Variants in ADPRHL1 observed in about 807,000 individuals in gnomAD.
The protein encoded by ADPRHL1 is ADP-ribosylhydrolase like 1, also known as inactive ADP-ribosyltransferase ARH2.
A neutral mutation model predicts 44.1 loss-of-function variants in ADPRHL1; 43 were observed. The ratio of observed to expected loss-of-function variants is 0.98; its 90% CI spans 0.76 to 1.26. The LOEUF is 1.26. Among genes scored for constraint, ADPRHL1 ranks in the 50% most tolerant of loss-of-function variants. The pLI is 0.00. For missense variants in ADPRHL1, 2,022 were observed against 2,496.9 expected, an observed-to-expected ratio of 0.81 and a Z score of 4.05; for synonymous variants, 878 against 1,017.4, an observed-to-expected ratio of 0.86 and a Z score of 2.61.
Position 113,403,704 on chromosome 13 carries a change from C to T in ADPRHL1, c.5578G>A (p.Gly1860Arg), listed in dbSNP as rs947560946. 9.0e-5 allele frequency: 111 copies of T among 1,231,974 alleles called. No individual in the cohort carries two copies. Among genetic ancestry groups the T allele is most frequent in the Non-Finnish European group, 1.0e-4 (103 of 988,198 alleles). 76.3% of individuals were successfully genotyped at this position (1,231,974 alleles called of 1,614,324 possible). Residue 1860 changes from glycine (G) to arginine (R), a missense_variant, in exon 8 of 8, where the codon GGG becomes AGG. Gly to Arg is a moderately radical substitution (Grantham distance 125, BLOSUM62 -2). Coordinates refer to ENST00000612156, the MANE Select transcript of ADPRHL1 (RefSeq NM_001394807.1). ...GGGCGGCTTCCTGGGGGTGGGTACC[C>T]GGCGCTGGGCTCCCCCAGGCCACTG... The part of the protein sequence containing the change: ...GGSGLGEPSA[G>R]YPPPGSRPLR...
chr13:113,409,614 G>A lies in ADPRHL1; in HGVS notation c.1062-1394C>T, dbSNP rs569689544. 129 of 985,364 alleles carry A rather than the reference G, an allele frequency of 1.3e-4. No homozygotes were observed. The highest frequency in any genetic ancestry group is 9.9e-4 in the South Asian group (21 of 21,292). 61.0% of individuals were successfully genotyped at this position (985,364 alleles called of 1,614,324 possible). A position where few individuals can be genotyped will look rare whatever the true frequency, so the allele number is the denominator to read the frequency against. ...TTTTAAGAAGCTGAGGCCGGGCGCC[G>A]TGGCTCACGCCTGTAATCTCAGCGT... On this transcript the variant is annotated intron_variant, in intron 7 of 7. Coordinates refer to ENST00000612156, the MANE Select transcript of ADPRHL1 (RefSeq NM_001394807.1). This position sits in a 1 kb window ranked among gnomAD's most constrained non-coding sequence, Gnocchi z 4.2.
chr13:113,449,863 G>A (rs1040946454), intron 1 of ADPRHL1, among the ~76,000 whole-genome samples: 19 of 152,196 alleles, frequency 1.2e-4, no homozygotes, highest in African/African-American at 4.6e-4. Context: ...GGATGCTTAC[G>A]AGCACAGGGG....
At chr13:113,413,431 G>GA (rs1315212840) in intron 7 of ADPRHL1, among the ~76,000 whole-genome samples, 1 of 152,242 alleles carries the variant, frequency 6.6e-6, no homozygotes, top group Non-Finnish European at 1.5e-5. Flanking sequence ...CCACAAAGGG[G>GA]AACAGCGTGG....
At position 113,433,796 on chromosome 13, in the gene ADPRHL1, T is replaced by G. The variant is rs763842379; in HGVS notation, c.451A>C (p.Thr151Pro). The G allele has an allele frequency of 6.3e-7, 1 of 1,589,876 alleles. No individual in the cohort carries two copies. Among genetic ancestry groups the G allele is most frequent in the South Asian group, 1.1e-5 (1 of 87,424 alleles). Reference protein sequence around the residue: ...LRYWKPERLETLIEVSVECGR... With the variant: ...LRYWKPERLEPLIEVSVECGR... ...CACTCCACGCTGACCTCGATGAGGG[T>G]CTCCAGCCGCTCAGGCTTCCAGTAC... Residue 151 changes from threonine (T) to proline (P), a missense_variant, in exon 3 of 8, where the codon ACC becomes CCC. By Grantham distance (38) the Thr-to-Pro change is conservative. Transcript: ENST00000612156.
intron 5 of ADPRHL1, 151 bp from the exon 6 acceptor site, chr13:113,424,500 GT>G (rs951438717): frequency 7.5e-5 from 82 of 1,098,304 alleles, no homozygotes; most frequent in Admixed American, 4.2e-4. Flanking sequence ...TGTCCCCCAG[GT>G]TGGAGTGCAA....
At chr13:113,415,233 G>A (rs927701343) in intron 7 of ADPRHL1, among the ~76,000 whole-genome samples, 3 of 152,176 alleles carry the variant, frequency 2.0e-5, no homozygotes, top group Admixed American at 6.5e-5. Flanking sequence ...CTGGAGACGC[G>A]GACCTGCCCG....
In ADPRHL1 at chr13:113,409,763, C is replaced by T. The variant is rs890857073; in HGVS notation, c.1062-1543G>A. The T allele has an allele frequency of 3.2e-6, 2 of 620,668 alleles. No homozygotes were observed. The highest frequency in any genetic ancestry group is 4.0e-5 in the African/African-American group (2 of 50,040). 38.4% of individuals were successfully genotyped at this position (620,668 alleles called of 1,614,324 possible). A position where few individuals can be genotyped will look rare whatever the true frequency, so the allele number is the denominator to read the frequency against. ...AATCAGCCGGGCGTGGTGGCGGGCG[C>T]CTGTAGTCCCAGCTACTTGGGAGGC... On this transcript the variant is annotated intron_variant, in intron 7 of 7. Transcript: ENST00000612156. The surrounding 1 kb of genome is among the most constrained non-coding windows in gnomAD (Gnocchi z 4.2).
intron 7 of ADPRHL1, chr13:113,410,005 T>C: frequency 1.0e-6 from 1 of 985,364 alleles, no homozygotes; most frequent in Non-Finnish European, 1.2e-6. Flanking sequence ...GAGAGAGCTC[T>C]GTTTTGAAGC....
chr13:113,426,481 A>C (rs890881695), intron 4 of ADPRHL1, among the ~76,000 whole-genome samples: 1 of 152,226 alleles, frequency 6.6e-6, no homozygotes, highest in African/African-American at 2.4e-5. Context: ...TGGAGAGCAG[A>C]GCTGGAGGGC....
rs71446966 is a variant in ADPRHL1 at position 113,434,771 on chromosome 13, G to C, written c.380-904C>G. Among the ~76,000 whole-genome samples the C allele has an allele frequency of 8.3e-3, 496 of 59,946 alleles. 27 individuals carry two copies. The highest frequency in any genetic ancestry group is 0.013 in the African/African-American group (190 of 15,044). The allele number at this position is 59,946 out of a possible 152,430, so 39.3% of individuals were successfully genotyped here. On this transcript the variant is annotated intron_variant, in intron 2 of 7. Transcript: ENST00000612156. ...GGTGTACCCTGGGACCCAGCACCCA[G>C]GCGTAGAGTGAACATAGGTGTACCC...
chr13:113,442,162 A>C (rs2044104035), intron 2 of ADPRHL1, among the ~76,000 whole-genome samples: 1 of 152,238 alleles, frequency 6.6e-6, no homozygotes. Context: ...TTCAGGGTGT[A>C]GAATTCTAAC....
rs529399235 is a variant in ADPRHL1, at chr13:113,404,461, C to G, written c.4821G>C (p.Trp1607Cys). ...QKQVQGEVQKWAQEEAQGQAQ... is the reference protein window; with the variant it reads ...QKQVQGEVQKCAQEEAQGQAQ... The stretch of plus-strand genomic sequence containing the variant: ...CCTGTCCCTGAGCCTCTTCCTGGGC[C>G]CATTTCTGAACCTCTCCTTGAACCT... The change falls in exon 8 of 8, where the codon TGG (tryptophan) becomes TGC (cysteine). Residue 1607 changes from tryptophan (W) to cysteine (C), a missense_variant. Coordinates refer to ENST00000612156, the MANE Select transcript of ADPRHL1 (RefSeq NM_001394807.1). 1 of 1,308,400 alleles carries G rather than the reference C, an allele frequency of 7.6e-7. No homozygotes were observed. The highest frequency in any genetic ancestry group is 9.7e-7 in the Non-Finnish European group (1 of 1,035,912). The allele number at this position is 1,308,400 out of a possible 1,614,324, so 81.0% of individuals were successfully genotyped here.
chr13:113,433,036 G>C (rs555110987), intron 3 of ADPRHL1, among the ~76,000 whole-genome samples: 1 of 152,214 alleles, frequency 6.6e-6, no homozygotes, highest in African/African-American at 2.4e-5. Flanking sequence ...AAATCCCAGT[G>C]AGCAGCTGGC....
chr13:113,452,295 T>A (rs1179045315), intron 1 of ADPRHL1, among the ~76,000 whole-genome samples: 1 of 152,196 alleles, frequency 6.6e-6, no homozygotes, highest in African/African-American at 2.4e-5. Flanking sequence ...CCTTATCTTA[T>A]CGCCGGCGCT....
Position 113,409,522 on chromosome 13 carries a change from AAG to A in ADPRHL1, c.1062-1304_1062-1303del. On this transcript the variant is annotated intron_variant, in intron 7 of 7. Transcript: ENST00000612156. The surrounding 1 kb of genome is among the most constrained non-coding windows in gnomAD (Gnocchi z 4.2). ...AATGGCACGTCCACATTTGTGGGAG[AAG>A]AGTCGGTGGCCGGATGCGGCTGGTG... The A allele has an allele frequency of 2.0e-6, 2 of 985,356 alleles. No homozygotes were observed. Among genetic ancestry groups the A allele is most frequent in the Non-Finnish European group, 1.2e-6 (1 of 829,914 alleles). The allele number at this position is 985,356 out of a possible 1,614,324, so 61.0% of individuals were successfully genotyped here. A position where few individuals can be genotyped will look rare whatever the true frequency, so the allele number is the denominator to read the frequency against.
intron 1 of ADPRHL1, among the ~76,000 whole-genome samples, chr13:113,450,802 T>G (rs1030529494): frequency 6.6e-6 from 1 of 152,164 alleles, no homozygotes; most frequent in East Asian, 1.9e-4. Flanking sequence ...GGATGGAACA[T>G]GAAGGCAGAC....
intron 3 of ADPRHL1, among the ~76,000 whole-genome samples, chr13:113,433,517 A>G (rs970117234): frequency 6.6e-6 from 1 of 152,240 alleles, no homozygotes; most frequent in African/African-American, 2.4e-5. Flanking sequence ...AAATAAAAAA[A>G]TCGATGTGAA....
Position 113,404,761 on chromosome 13 carries a change from CTGTTCTTGAGCG to C in ADPRHL1, c.4509_4520del (p.His1503_Glu1506del). 1 of 1,274,504 alleles carries C rather than the reference CTGTTCTTGAGCG, an allele frequency of 7.8e-7. No individual in the cohort carries two copies. The highest frequency in any genetic ancestry group is 3.0e-5 in the South Asian group (1 of 33,052). 78.9% of individuals were successfully genotyped at this position (1,274,504 alleles called of 1,614,324 possible). ...CCTCTATCTGGGTCTGCCACTGGGC[CTGTTCTTGAGCG>C]TGTCCCTGAACCTGTCCCCGGTCCC... On this transcript the variant is annotated inframe_deletion, in exon 8 of 8. Transcript: ENST00000612156.
At chr13:113,440,970 T>A (rs1246783148) in intron 2 of ADPRHL1, among the ~76,000 whole-genome samples, 1 of 152,044 alleles carries the variant, frequency 6.6e-6, no homozygotes, top group Admixed American at 6.6e-5. Context: ...CTGGCCAACA[T>A]GGCAAAACCT....
Sources: allele counts gnomAD v4.1 joint callset (sites outside exome capture counted in the v4.1 genomes callset), GRCh38; gene constraint gnomAD v4.1.1; non-coding constraint Gnocchi (gnomAD v3.1); transcripts MANE v1.5; gene names NCBI Gene and HGNC (gene_info 2026-07-23, HGNC 2026-07-21).